The following PPL variants were observed in gnomAD, a reference collection of about 807,000 sequenced individuals.
PPL encodes 190 kDa paraneoplastic pemphigus antigen.
In PPL, 198 loss-of-function variants were observed where a neutral mutation model predicts 194.4. That is an observed-to-expected ratio of 1.02 (90% CI 0.91 to 1.15). PPL has a LOEUF of 1.15. Among genes scored for constraint, PPL ranks in the 50% most tolerant of loss-of-function variants. The pLI, the probability that PPL is intolerant of heterozygous loss-of-function variation, is 0.00. For synonymous variants in PPL, 1,220 were observed against 972.4 expected (o/e 1.25, Z -4.74); for missense variants, 2,885 against 2,294.8 (o/e 1.26, Z -5.25).
At position 4,883,797 on chromosome 16, in the gene PPL, C is replaced by T; in HGVS notation, c.4858G>A (p.Asp1620Asn). ...SRLWSLERELDDLKRLSKDKD... is the reference protein window; with the variant it reads ...SRLWSLERELNDLKRLSKDKD... Reference sequence around the variant, plus strand: ...TCCTTGGAGAGCCTCTTGAGGTCATCCAGTTCCCTCTCCAGGGACCACAGT... The same window carrying T: ...TCCTTGGAGAGCCTCTTGAGGTCATTCAGTTCCCTCTCCAGGGACCACAGT... Residue 1620 changes from aspartate (D) to asparagine (N), a missense_variant, in exon 22 of 22, where the codon GAT becomes AAT. By Grantham distance (23) the Asp-to-Asn change is conservative. Coordinates refer to ENST00000345988, the MANE Select transcript of PPL (RefSeq NM_002705.5). The surrounding 1 kb of genome is among the most constrained non-coding windows in gnomAD (Gnocchi z 4.8). The T allele has an allele frequency of 6.2e-7, 1 of 1,614,172 alleles. No individual in the cohort carries two copies. The highest frequency in any genetic ancestry group is 8.5e-7 in the Non-Finnish European group (1 of 1,180,038).
chr16:4,920,014 G>A (rs35734272), intron 1 of PPL, among the ~76,000 whole-genome samples: 9,885 of 151,266 alleles, frequency 0.065, 481 homozygotes, highest in Admixed American at 0.11. Flanking sequence ...GGCCAGGCAC[G>A]GTGGCTCACG....
At position 4,883,570 on chromosome 16, in the gene PPL, C is replaced by G. The variant is rs1354818686; in HGVS notation, c.5085G>C (p.Trp1695Cys). The change falls in exon 22 of 22, where the codon TGG becomes TGC. Residue 1695 changes from tryptophan (W) to cysteine (C), a missense_variant. Transcript: ENST00000345988. The surrounding 1 kb of genome is among the most constrained non-coding windows in gnomAD (Gnocchi z 4.8). ...FVKLRSQECD[W>C]EEISVKGPNG... ...TGGGACCCTTCACTGAGATCTCCTC[C>G]CAGTCGCACTCCTGGCTTCTGAGTT... is the stretch of plus-strand genomic sequence containing the variant. 1 of 1,614,152 alleles carries G rather than the reference C, an allele frequency of 6.2e-7. No individual in the cohort carries two copies. The highest frequency in any genetic ancestry group is 2.2e-5 in the East Asian group (1 of 44,886).
intron 8 of PPL, 135 bp downstream of exon 8, chr16:4,898,878 A>T (rs1301316772): frequency 3.3e-5 from 23 of 687,674 alleles, no homozygotes; most frequent in Non-Finnish European, 5.5e-5. Flanking sequence ...ACACAGCAAG[A>T]AAGAGACAGA....
In PPL at chr16:4,894,365, G is replaced by A; in HGVS notation, c.1394+102C>T. 4 of 1,448,958 alleles carry A rather than the reference G, an allele frequency of 2.8e-6. No individual in the cohort carries two copies. The South Asian group carries it at 3.9e-5, about 14-fold the overall frequency. 89.8% of individuals were successfully genotyped at this position (1,448,958 alleles called of 1,614,324 possible). On this transcript the variant is annotated intron_variant, in intron 12 of 21. Coordinates refer to ENST00000345988, the MANE Select transcript of PPL (RefSeq NM_002705.5). ...AGATGGAGAGTGTCAGCGACCCCGC[G>A]CTCCCCACAGGCTGAGTCCAAATCC...
intron 2 of PPL, among the ~76,000 whole-genome samples, chr16:4,907,308 TCACACACACACA>T (rs56210938): frequency 0.089 from 12,906 of 145,658 alleles, 828 homozygotes; most frequent in African/African-American, 0.17. Context: ...ATATCTAATC[TCACACACACACA>T]CACACACACA....
In PPL at chr16:4,884,593, C is replaced by T. The variant is rs1376397857; in HGVS notation, c.4062G>A (p.Glu1354=). 3 of 1,614,162 alleles carry T rather than the reference C, an allele frequency of 1.9e-6. No homozygotes were observed. The highest frequency in any genetic ancestry group is 2.2e-5 in the South Asian group (2 of 91,086). ...CTGGCTCCTCCTCATACCTGACCAC[C>T]TCCTGCTGCACCACCCTTTCCTTCA... The part of the protein sequence containing the change: ...SRVKERVVQQ[E]VVRYEEEPGL... The change falls in exon 22 of 22, where the codon GAG becomes GAA. Residue 1354 remains glutamate, a synonymous_variant. Transcript: ENST00000345988. The surrounding 1 kb of genome is among the most constrained non-coding windows in gnomAD (Gnocchi z 5.7).
intron 1 of PPL, among the ~76,000 whole-genome samples, chr16:4,934,834 C>T (rs991031649): frequency 2.0e-5 from 3 of 152,106 alleles, no homozygotes; most frequent in Admixed American, 1.3e-4. Flanking sequence ...ACAGGGCTAC[C>T]CCCACCCCAC....
At chr16:4,888,900 C>T in intron 19 of PPL, 78 bp downstream of exon 19, 2 of 1,422,202 alleles carry the variant, frequency 1.4e-6, no homozygotes, top group South Asian at 1.2e-5. Flanking sequence ...AGGGCCGGTG[C>T]TTGCTGCTTC....
Position 4,890,736 on chromosome 16 carries a change from C to A in PPL, c.2154G>T (p.Val718=). 1 of 1,606,118 alleles carries A rather than the reference C, an allele frequency of 6.2e-7. No individual in the cohort carries two copies. The highest frequency in any genetic ancestry group is 8.5e-7 in the Non-Finnish European group (1 of 1,176,972). The change falls in exon 17 of 22, where the codon GTG becomes GTT. Residue 718 remains valine, a synonymous_variant. Transcript: ENST00000345988. ...GQRFNNLRQQ[V]ERRAQSLQSA... ...ACCCACCGCACCCTCACCTGCGTTCCACCTGCTGGCGCAGGTTGTTGAAAC... is the reference window on the plus strand; with the variant it reads ...ACCCACCGCACCCTCACCTGCGTTCAACCTGCTGGCGCAGGTTGTTGAAAC...
chr16:4,920,345 G>GAAAGAGAAAGAAAGAAAGAAAGAAAGAA (rs1555523880), intron 1 of PPL, among the ~76,000 whole-genome samples: 1 of 25,078 alleles, frequency 4.0e-5, no homozygotes, highest in Admixed American at 5.9e-4. Context: ...GAGAGAGAGA[G>GAAAGAGAAAGAAAGAAAGAAAGAAAGAA]AGAAAGAAAG....
chr16:4,892,622 T>A (rs2088341873), intron 14 of PPL: 1 of 175,030 alleles, frequency 5.7e-6, no homozygotes, highest in African/African-American at 2.4e-5. Context: ...GAGACCGGCA[T>A]CCTCTCGCCC....
intron 18 of PPL, among the ~76,000 whole-genome samples, 170 bp from the exon 19 acceptor site, chr16:4,889,231 T>TTG (rs200722230): frequency 6.9e-5 from 4 of 57,598 alleles, no homozygotes; most frequent in African/African-American, 2.6e-4. Flanking sequence ...GCAGTTTTTT[T>TTG]GTTGTTGTTG....
intron 4 of PPL, 79 bp from the exon 5 acceptor site, chr16:4,901,168 G>C: frequency 6.6e-7 from 1 of 1,508,222 alleles, no homozygotes; most frequent in Non-Finnish European, 9.0e-7. Context: ...GGAGCCTCGG[G>C]GGTGGGCATG....
rs1567986596 is a variant in PPL at position 4,885,625 on chromosome 16, G to C, written c.3030C>G (p.Val1010=). 1 of 1,612,926 alleles carries C rather than the reference G, an allele frequency of 6.2e-7. No homozygotes were observed. Among genetic ancestry groups the C allele is most frequent in the Non-Finnish European group, 8.5e-7 (1 of 1,179,748 alleles). The change falls in exon 22 of 22, where the codon GTC becomes GTG. Residue 1010 remains valine, a synonymous_variant. Coordinates refer to ENST00000345988, the MANE Select transcript of PPL (RefSeq NM_002705.5). The surrounding 1 kb of genome is among the most constrained non-coding windows in gnomAD (Gnocchi z 6.3). ...CCTCCAGCTCCTCCCGCAGCTGCAA[G>C]ACCTCATCCGCCTGGGCCCTGTCAG... ...IEPDRAQADE[V]LQLREELEAL...
At chr16:4,912,968 G>A (rs189574221) in intron 1 of PPL, among the ~76,000 whole-genome samples, 1 of 152,138 alleles carries the variant, frequency 6.6e-6, no homozygotes, top group Non-Finnish European at 1.5e-5. Flanking sequence ...GCTAGGTGTG[G>A]TGGCATGCGC....
At position 4,894,532 on chromosome 16, in the gene PPL, C is replaced by T; in HGVS notation, c.1329G>A (p.Leu443=). 6.2e-7 allele frequency: 1 copy of T among 1,613,988 alleles called. No individual in the cohort carries two copies. The highest frequency in any genetic ancestry group is 8.5e-7 in the Non-Finnish European group (1 of 1,179,980). The stretch of plus-strand genomic sequence containing the variant: ...TCACAAAACACACGGCCGGAGCAAT[C>T]AGCTTGTTCCCAGCGCTGTCCATGA... ...WELMDSAGNK[L]IAPAVCFVIP... Residue 443 remains leucine (L), a synonymous_variant, in exon 12 of 22, where the codon CTG becomes CTA. Coordinates refer to ENST00000345988, the MANE Select transcript of PPL (RefSeq NM_002705.5).
Position 4,883,986 on chromosome 16 carries a change from C to A in PPL, c.4669G>T (p.Glu1557Ter). Reference sequence around the variant, plus strand: ...TTCTCTTCCCTCAGAAAGTCTAGTTCCTTGGATGACTTGGAGTTATGGAAT... The same window carrying A: ...TTCTCTTCCCTCAGAAAGTCTAGTTACTTGGATGACTTGGAGTTATGGAAT... ...LEFHNSKSSK[E>*]LDFLREENHK... Residue 1557 changes from glutamate (E) to a stop codon, truncating the protein, a stop_gained, in exon 22 of 22, where the codon GAA becomes TAA. Transcript: ENST00000345988. LOFTEE classifies it high-confidence loss of function. This position sits in a 1 kb window ranked among gnomAD's most constrained non-coding sequence, Gnocchi z 4.8. The A allele has an allele frequency of 1.2e-6, 2 of 1,614,074 alleles. No homozygotes were observed. Among genetic ancestry groups the A allele is most frequent in the East Asian group, 2.2e-5 (1 of 44,864 alleles).
intron 1 of PPL, among the ~76,000 whole-genome samples, chr16:4,935,374 G>C: frequency 6.6e-6 from 1 of 152,180 alleles, no homozygotes; most frequent in East Asian, 1.9e-4. Flanking sequence ...CTGCATGTGT[G>C]AAGGACTGGA....
chr16:4,914,101 G>A (rs2088871295), intron 1 of PPL, among the ~76,000 whole-genome samples: 2 of 152,204 alleles, frequency 1.3e-5, no homozygotes, highest in African/African-American at 4.8e-5. Context: ...GAAGAATTTG[G>A]TGTTCCTGTG....
Sources: gnomAD v4.1 joint callset for allele counts (sites outside exome capture counted in the v4.1 genomes callset) on GRCh38, gnomAD v4.1.1 for gene constraint, Gnocchi (gnomAD v3.1) non-coding constraint, MANE v1.5 for transcripts, NCBI Gene and HGNC (gene_info 2026-07-23, HGNC 2026-07-21) for gene names.